AASDH: variants seen among roughly 807,000 people sequenced by gnomAD.
AASDH encodes beta-alanine-activating enzyme.
In AASDH, 81 loss-of-function variants were observed where a neutral mutation model predicts 102.3. The observed-to-expected ratio is 0.79, with a 90% CI of 0.66 to 0.95. The LOEUF is 0.95. AASDH is among the 40% of genes least tolerant of loss of function. The pLI is 0.00. For synonymous variants in AASDH, 398 were observed against 454.0 expected (o/e 0.88, Z 1.57); for missense variants, 1,203 against 1,266.2 (o/e 0.95, Z 0.76).
At chr4:56,356,416 T>G in intron 5 of AASDH, 1 of 1,590,494 alleles carries the variant, frequency 6.3e-7, no homozygotes, top group South Asian at 1.1e-5. Flanking sequence ...GCTACTCAGC[T>G]GCTTAAGCTG....
At chr4:56,374,182 CAGCCTGGCCAAGATGG>C (rs373236163) in intron 4 of AASDH, among the ~76,000 whole-genome samples, 1 of 152,116 alleles carries the variant, frequency 6.6e-6, no homozygotes, top group Non-Finnish European at 1.5e-5. Flanking sequence ...AGTTTGAGAC[CAGCCTGGCCAAGATGG>C]TGAAACCCTG....
At chr4:56,340,259 G>C (rs1577946156) in intron 14 of AASDH, among the ~76,000 whole-genome samples, 1 of 152,308 alleles carries the variant, frequency 6.6e-6, no homozygotes, top group Non-Finnish European at 1.5e-5. Flanking sequence ...AACAAAGCTG[G>C]AGGCATCACA....
At chr4:56,372,171 A>G (rs954912956) in intron 4 of AASDH, among the ~76,000 whole-genome samples, 1 of 152,222 alleles carries the variant, frequency 6.6e-6, no homozygotes. Flanking sequence ...GAAGAGGCCC[A>G]AACAGCAGCT....
intron 3 of AASDH, among the ~76,000 whole-genome samples, chr4:56,380,769 A>G (rs1263765366): frequency 2.0e-5 from 3 of 152,204 alleles, no homozygotes; most frequent in African/African-American, 4.8e-5. Context: ...GAAAATTCTT[A>G]GTGGAGTGCT....
chr4:56,377,613 T>C (rs1042594986), intron 4 of AASDH, among the ~76,000 whole-genome samples: 2 of 152,208 alleles, frequency 1.3e-5, no homozygotes, highest in Non-Finnish European at 2.9e-5. Context: ...TCTAATCATA[T>C]CATTTGTTTG....
intron 2 of AASDH, among the ~76,000 whole-genome samples, chr4:56,383,831 A>G (rs1753247495): frequency 6.6e-6 from 1 of 152,164 alleles, no homozygotes; most frequent in Non-Finnish European, 1.5e-5. Context: ...TACATTTTGG[A>G]GATACTTATA....
chr4:56,378,655 C>T (rs1752623657), intron 3 of AASDH, among the ~76,000 whole-genome samples, 191 bp from the exon 4 acceptor site: 1 of 152,048 alleles, frequency 6.6e-6, no homozygotes, highest in African/African-American at 2.4e-5. Context: ...GCATATAAAC[C>T]ATGCACATCC....
At chr4:56,382,419 T>A (rs1189054801) in intron 3 of AASDH, 58 bp downstream of exon 3, 3 of 1,439,276 alleles carry the variant, frequency 2.1e-6, no homozygotes, top group Non-Finnish European at 2.9e-6. Context: ...AAGGAAGGAA[T>A]GTTTCAATTG....
intron 5 of AASDH, among the ~76,000 whole-genome samples, chr4:56,361,706 A>C (rs1750316745): frequency 6.6e-6 from 1 of 152,222 alleles, no homozygotes; most frequent in Non-Finnish European, 1.5e-5. Flanking sequence ...ATGGTGGCTC[A>C]TGCCTGTAAT....
intron 5 of AASDH, among the ~76,000 whole-genome samples, chr4:56,355,694 C>T (rs1749557463): frequency 6.7e-6 from 1 of 148,998 alleles, no homozygotes; most frequent in South Asian, 2.1e-4. Flanking sequence ...CCATGGCTCA[C>T]TGCAGCCTCA....
rs113347966 is a variant in AASDH, at chr4:56,362,332, T to G, written c.862-6909A>C. On this transcript the variant is annotated intron_variant, in intron 5 of 14. Coordinates refer to ENST00000205214, the MANE Select transcript of AASDH (RefSeq NM_181806.4). ...CAGGCTGGAGTACAGTGGTGTAATC[T>G]TGGCTCACTGCAACCTCCACCTCCT... Among the ~76,000 whole-genome samples, 47 of 152,292 alleles carry G rather than the reference T, an allele frequency of 3.1e-4. 1 individual carries two copies. Among genetic ancestry groups the G allele is most frequent in the African/African-American group, 1.0e-3 (42 of 41,560 alleles).
rs753414387 is a variant in AASDH, at chr4:56,338,725, T to C, written c.2974A>G (p.Ile992Val). 1 of 1,614,184 alleles carries C rather than the reference T, an allele frequency of 6.2e-7. No individual in the cohort carries two copies. The highest frequency in any genetic ancestry group is 8.5e-7 in the Non-Finnish European group (1 of 1,180,022). ...SPCTSPSEQK[I>V]FFGSHDCFIY... is the part of the protein sequence containing the mutation. Reference sequence around the variant, plus strand: ...AAGCAATCATGGGAACCAAAAAATATTTTTTGCTCTGATGGTGAGGTACAC... The same window carrying C: ...AAGCAATCATGGGAACCAAAAAATACTTTTTGCTCTGATGGTGAGGTACAC... Residue 992 changes from isoleucine to valine, a missense_variant, in exon 15 of 15, where the codon ATA becomes GTA. Transcript: ENST00000205214.
intron 4 of AASDH, among the ~76,000 whole-genome samples, chr4:56,376,263 C>G (rs548315945): frequency 1.3e-5 from 2 of 152,122 alleles, no homozygotes; most frequent in East Asian, 3.9e-4. Context: ...TGGGCTCAAG[C>G]GATCCTCCTG....
intron 9 of AASDH, among the ~76,000 whole-genome samples, chr4:56,353,009 C>CTT (rs879524516): frequency 6.9e-6 from 1 of 144,804 alleles, no homozygotes. Context: ...TACCTAACCT[C>CTT]TTTTTTTTTT....
intron 4 of AASDH, among the ~76,000 whole-genome samples, chr4:56,373,425 G>A (rs1371819857): frequency 6.6e-6 from 1 of 152,122 alleles, no homozygotes. Flanking sequence ...TTACAGGTGT[G>A]AGCCACCGCG....
chr4:56,376,795 C>T (rs1409909150), intron 4 of AASDH, among the ~76,000 whole-genome samples: 2 of 152,102 alleles, frequency 1.3e-5, no homozygotes, highest in African/African-American at 4.8e-5. Flanking sequence ...TTGCCGGGCA[C>T]GGTGGCTCAC....
chr4:56,347,554 C>T (rs1748467214), intron 11 of AASDH, among the ~76,000 whole-genome samples: 2 of 152,148 alleles, frequency 1.3e-5, no homozygotes, highest in South Asian at 4.1e-4. Context: ...TCACCTATAC[C>T]TTAATGAAAC....
intron 1 of AASDH, among the ~76,000 whole-genome samples, chr4:56,385,899 C>A (rs979375084): frequency 3.3e-5 from 5 of 151,622 alleles, no homozygotes; most frequent in African/African-American, 1.2e-4. Context: ...GGAGCCACCG[C>A]GCCCGGCCGA....
chr4:56,382,459 T>G lies in AASDH; in HGVS notation c.351+18A>C, dbSNP rs756719395. Reference sequence around the variant, plus strand: ...AAATGTAATACAGGCAAAAAACAATTGAAACATCCAGACTTACATTAATTT... The same window carrying G: ...AAATGTAATACAGGCAAAAAACAATGGAAACATCCAGACTTACATTAATTT... On this transcript the variant is annotated intron_variant, in intron 3 of 14. Coordinates refer to ENST00000205214, the MANE Select transcript of AASDH (RefSeq NM_181806.4). 6.5e-7 allele frequency: 1 copy of G among 1,528,690 alleles called. No homozygotes were observed. Among genetic ancestry groups the G allele is most frequent in the Non-Finnish European group, 9.0e-7 (1 of 1,116,304 alleles). 94.7% of individuals were successfully genotyped at this position (1,528,690 alleles called of 1,614,324 possible).
Sources: allele counts gnomAD v4.1 joint callset (sites outside exome capture counted in the v4.1 genomes callset), GRCh38; gene constraint gnomAD v4.1.1; transcripts MANE v1.5; gene names NCBI Gene and HGNC (gene_info 2026-07-23, HGNC 2026-07-21).